The following ANKFN1 variants were observed in gnomAD, a reference collection of about 807,000 sequenced individuals.
The protein encoded by ANKFN1 is ankyrin repeat and fibronectin type III domain containing 1.
A neutral mutation model predicts 108.7 loss-of-function variants in ANKFN1; 74 were observed. The observed-to-expected ratio is 0.68, with a 90% CI of 0.56 to 0.83. The LOEUF (loss-of-function observed/expected upper bound fraction) is 0.83. ANKFN1 is among the 40% of genes least tolerant of loss of function. ANKFN1 has a pLI of 0.00. For synonymous variants in ANKFN1, 547 were observed against 516.2 expected (o/e 1.06, Z -0.81); for missense variants, 1,505 against 1,382.3 (o/e 1.09, Z -1.41).
chr17:56,251,154 G>A (rs1346435590), intron 3 of ANKFN1, among the ~76,000 whole-genome samples: 2 of 152,210 alleles, frequency 1.3e-5, no homozygotes, highest in African/African-American at 4.8e-5. Flanking sequence ...ACTTTGGGAG[G>A]CCAAGGTGGG....
chr17:56,134,302 C>G (rs998948100), intron 4 of ANKFN1, among the ~76,000 whole-genome samples: 1 of 152,042 alleles, frequency 6.6e-6, no homozygotes, highest in Admixed American at 6.6e-5. Flanking sequence ...AGAAACTCTC[C>G]AAGTCCACAG....
intron 6 of ANKFN1, among the ~76,000 whole-genome samples, chr17:56,363,460 T>C (rs2046579142): frequency 6.6e-6 from 1 of 152,172 alleles, no homozygotes; most frequent in South Asian, 2.1e-4. Context: ...GAAACGCTTG[T>C]ACACTGTTAG....
intron 3 of ANKFN1, among the ~76,000 whole-genome samples, chr17:56,280,105 G>A (rs893177432): frequency 2.6e-5 from 4 of 151,144 alleles, no homozygotes; most frequent in Admixed American, 1.3e-4. Context: ...CGCCTCCCAG[G>A]TTCAAGCAAT....
chr17:56,323,167 T>C (rs1178238050), intron 3 of ANKFN1: 6 of 152,128 alleles, frequency 3.9e-5, no homozygotes, highest in Non-Finnish European at 8.8e-5. Context: ...GGAACAAACA[T>C]TCTCAGTGTT....
chr17:56,507,017 G>A (rs571964924), intron 20 of ANKFN1, among the ~76,000 whole-genome samples: 4 of 152,174 alleles, frequency 2.6e-5, no homozygotes, highest in Non-Finnish European at 5.9e-5. Context: ...ATCAGATATT[G>A]TTATTACCAT....
intron 13 of ANKFN1, 44 bp from the exon 14 acceptor site, chr17:56,457,819 G>C (rs533631345): frequency 6.9e-7 from 1 of 1,452,104 alleles, no homozygotes; most frequent in South Asian, 1.2e-5. Context: ...CCTAAATCAT[G>C]TACTGGCTTG....
chr17:56,080,828 A>C (rs1375877031), intron 4 of ANKFN1, among the ~76,000 whole-genome samples: 1 of 152,238 alleles, frequency 6.6e-6, no homozygotes, highest in African/African-American at 2.4e-5. Context: ...ATAATGCAGT[A>C]TATGTCTATA....
In ANKFN1 at chr17:56,369,972, C is replaced by T. The variant is rs1031996395; in HGVS notation, c.602-2674C>T. On this transcript the variant is annotated intron_variant, in intron 6 of 20. Coordinates refer to ENST00000682825, the MANE Select transcript of ANKFN1 (RefSeq NM_001370326.1). ...TTTTGAAAACACTTTCCATTCTTCT[C>T]CATAATAGACCTATTTAATTTCTAA... Among the ~76,000 whole-genome samples the T allele has an allele frequency of 3.3e-5, 5 of 152,256 alleles. No homozygotes were observed. The South Asian group carries it at 6.2e-4, about 19-fold the overall frequency.
chr17:56,129,560 T>C (rs1907151609), intron 4 of ANKFN1, among the ~76,000 whole-genome samples: 1 of 152,222 alleles, frequency 6.6e-6, no homozygotes, highest in African/African-American at 2.4e-5. Context: ...TTAAATATTT[T>C]AAATGAAACA....
Position 56,170,803 on chromosome 17 carries a change from T to TACACACACAC in ANKFN1, c.-71+17274_-71+17275insCACACACACA, listed in dbSNP as rs1160259097. On this transcript the variant is annotated intron_variant, in intron 1 of 20. Coordinates refer to ENST00000682825, the MANE Select transcript of ANKFN1 (RefSeq NM_001370326.1). ...ATATATATATATATATATATATATATATATACACACACACACACACACACA... is the reference window on the plus strand; with the variant it reads ...ATATATATATATATATATATATATATACACACACACATATACACACACACACACACACACA... Among the ~76,000 whole-genome samples the TACACACACAC allele has an allele frequency of 1.5e-4, 10 of 68,080 alleles. 1 individual carries two copies. Among genetic ancestry groups the TACACACACAC allele is most frequent in the East Asian group, 4.9e-4 (1 of 2,028 alleles). The allele number at this position is 68,080 out of a possible 152,430, so 44.7% of individuals were successfully genotyped here. A position where few individuals can be genotyped will look rare whatever the true frequency, so the allele number is the denominator to read the frequency against.
intron 4 of ANKFN1, among the ~76,000 whole-genome samples, chr17:56,061,318 C>T (rs1341345945): frequency 8.3e-6 from 1 of 120,280 alleles, no homozygotes; most frequent in Non-Finnish European, 1.6e-5. Flanking sequence ...GTCACCCAGG[C>T]TGGAGTGCAG....
chr17:56,194,263 T>C (rs2143713824), intron 1 of ANKFN1, among the ~76,000 whole-genome samples: 1 of 152,320 alleles, frequency 6.6e-6, no homozygotes, highest in Admixed American at 6.5e-5. Flanking sequence ...CACTTCTTGG[T>C]ATTTATCCTA....
At chr17:56,447,689 A>G (rs1469990812) in intron 10 of ANKFN1, among the ~76,000 whole-genome samples, 1 of 152,164 alleles carries the variant, frequency 6.6e-6, no homozygotes, top group African/African-American at 2.4e-5. Context: ...TCCGTCATGA[A>G]TTCCCTTCCT....
intron 4 of ANKFN1, among the ~76,000 whole-genome samples, chr17:56,119,573 G>T (rs1474625034): frequency 1.3e-5 from 2 of 152,148 alleles, no homozygotes; most frequent in African/African-American, 4.8e-5. Context: ...AGCAGGGAAA[G>T]AAACATGGTT....
intron 3 of ANKFN1, among the ~76,000 whole-genome samples, chr17:56,246,504 C>A (rs1386025194): frequency 6.6e-6 from 1 of 152,078 alleles, no homozygotes; most frequent in East Asian, 1.9e-4. Context: ...TGGTTTCTAG[C>A]CTTTTCTTAG....
At chr17:56,335,443 T>A (rs982538312) in intron 4 of ANKFN1, among the ~76,000 whole-genome samples, 1 of 152,196 alleles carries the variant, frequency 6.6e-6, no homozygotes, top group African/African-American at 2.4e-5. Flanking sequence ...ACTTCCCTTG[T>A]AAGTTGGATT....
intron 3 of ANKFN1, among the ~76,000 whole-genome samples, chr17:56,272,847 G>A (rs1462884171): frequency 1.3e-5 from 2 of 152,232 alleles, no homozygotes; most frequent in Non-Finnish European, 2.9e-5. Context: ...CAATGAGTGA[G>A]TAGAATACCA....
rs1451651902 is a variant in ANKFN1, at chr17:56,081,850, G to T, written c.288+35525G>T. ...ACCTGAGGCTTTCTTCCCTTTTCTG[G>T]TGGAATGCCCCTGGAAGGTCATATA... is the stretch of plus-strand genomic sequence containing the variant. On this transcript the variant is annotated intron_variant, in intron 4 of 12. Coordinates refer to the ANKFN1 transcript ENST00000635860. Among the ~76,000 whole-genome samples, 3 of 152,174 alleles carry T rather than the reference G, an allele frequency of 2.0e-5. No individual in the cohort carries two copies. The East Asian group carries it at 5.8e-4, about 29-fold the overall frequency.
intron 1 of ANKFN1, among the ~76,000 whole-genome samples, chr17:56,193,205 G>A (rs1598212259): frequency 8.4e-6 from 1 of 118,624 alleles, no homozygotes; most frequent in East Asian, 2.6e-4. Context: ...TGAACAATGA[G>A]ATCACATGGA....
Sources: allele counts gnomAD v4.1 joint callset (sites outside exome capture counted in the v4.1 genomes callset), GRCh38; gene constraint gnomAD v4.1.1; transcripts MANE v1.5; gene names NCBI Gene and HGNC (gene_info 2026-07-23, HGNC 2026-07-21).